NEBL: variants seen among roughly 807,000 people sequenced by gnomAD.
The protein encoded by NEBL is LIM and SH3 protein 2.
A neutral mutation model predicts 140.2 loss-of-function variants in NEBL; 122 were observed. The ratio of observed to expected loss-of-function variants is 0.87; its 90% CI spans 0.75 to 1.01. The LOEUF (loss-of-function observed/expected upper bound fraction) is 1.01. Ranked by LOEUF, NEBL falls within the 50% of genes least tolerant of loss-of-function variation. The pLI is 0.00. For missense variants in NEBL, 1,365 were observed against 1,231.3 expected, an observed-to-expected ratio of 1.11 and a Z score of -1.62; for synonymous variants, 436 against 398.9, an observed-to-expected ratio of 1.09 and a Z score of -1.11.
chr10:20,987,471 C>G (rs913036380), intron 3 of NEBL, among the ~76,000 whole-genome samples: 7 of 152,128 alleles, frequency 4.6e-5, no homozygotes, highest in Admixed American at 4.6e-4. Context: ...TCAGTGACCT[C>G]AATGTCACTT....
At position 21,129,820 on chromosome 10, in the gene NEBL, A is replaced by G. The variant is rs1839016724; in HGVS notation, c.164+42563T>C. 2.0e-5 allele frequency among the ~76,000 whole-genome samples: 3 copies of G among 152,146 alleles called. No homozygotes were observed. The South Asian group carries it at 6.2e-4, about 31-fold the overall frequency. On this transcript the variant is annotated intron_variant, in intron 2 of 6. Transcript: ENST00000417816. ...TAAAACCGTAAAAATTAGAAAGAGT[A>G]TAAGACAGAGAAACGAAAGAACAAG...
intron 19 of NEBL, among the ~76,000 whole-genome samples, chr10:20,821,905 T>G (rs1003299309): frequency 9.9e-5 from 15 of 152,202 alleles, no homozygotes; most frequent in Non-Finnish European, 2.1e-4. Flanking sequence ...TGGTTTGCTC[T>G]GCCAGGAATG....
chr10:20,850,268 A>G (rs992989640), intron 11 of NEBL, 127 bp downstream of exon 11: 6 of 762,924 alleles, frequency 7.9e-6, no homozygotes, highest in African/African-American at 6.8e-5. Context: ...CTGGGTCTAG[A>G]AAGCAGGTCC....
chr10:21,044,980 A>T (rs759595559), intron 2 of NEBL, among the ~76,000 whole-genome samples: 14 of 152,236 alleles, frequency 9.2e-5, no homozygotes, highest in Non-Finnish European at 1.6e-4. Flanking sequence ...TAGTGAAAAT[A>T]AAAAAAGTAT....
chr10:20,792,401 A>G (rs1330631014), intron 26 of NEBL, among the ~76,000 whole-genome samples: 1 of 152,206 alleles, frequency 6.6e-6, no homozygotes, highest in Non-Finnish European at 1.5e-5. Context: ...TTTAGGACAA[A>G]GAACCCCTAT....
At position 21,223,801 on chromosome 10, in the gene NEBL, C is replaced by G. The variant is rs529144999; in HGVS notation, n.348+24120G>C. Among the ~76,000 whole-genome samples, 8 of 152,236 alleles carry G rather than the reference C, an allele frequency of 5.3e-5. 1 individual carries two copies. In the South Asian group the frequency reaches 1.0e-3, roughly 20 times the overall value. ...TCTGATGATCAATGATGTTGAGCAC[C>G]TTTTCATTTATCTGTTTGCTCTTTG... On this transcript the variant is annotated intron_variant and non_coding_transcript_variant, in intron 3 of 8. Coordinates refer to the NEBL transcript ENST00000675702.
At chr10:21,077,731 C>T (rs945637383) in intron 2 of NEBL, among the ~76,000 whole-genome samples, 3 of 152,030 alleles carry the variant, frequency 2.0e-5, no homozygotes, top group Admixed American at 1.3e-4. Flanking sequence ...TCTTCATTTT[C>T]TGTCCTCCCT....
intron 24 of NEBL, among the ~76,000 whole-genome samples, chr10:20,812,111 C>T (rs145044486): frequency 9.2e-5 from 14 of 152,274 alleles, no homozygotes; most frequent in Middle Eastern, 3.4e-3. Flanking sequence ...ACCATCAGAA[C>T]GCCCATGGCG....
intron 3 of NEBL, among the ~76,000 whole-genome samples, chr10:20,972,704 G>A (rs188394028): frequency 0.018 from 2,669 of 151,902 alleles, 28 homozygotes; most frequent in Middle Eastern, 0.054. Context: ...CCAAGATCAC[G>A]CCACTGCACT....
intron 1 of NEBL, among the ~76,000 whole-genome samples, chr10:21,288,763 A>AG (rs796818884): frequency 7.5e-6 from 1 of 133,968 alleles, no homozygotes; most frequent in Non-Finnish European, 1.6e-5. Flanking sequence ...CCATCGCCAA[A>AG]AAAAAAAAAA....
intron 2 of NEBL, among the ~76,000 whole-genome samples, chr10:21,103,963 A>G (rs1278746044): frequency 1.3e-5 from 2 of 152,132 alleles, no homozygotes; most frequent in African/African-American, 2.4e-5. Context: ...TAATTCTTCC[A>G]TGAGCTGTGA....
At chr10:20,798,800 C>T (rs142513078) in intron 26 of NEBL, among the ~76,000 whole-genome samples, 7 of 152,276 alleles carry the variant, frequency 4.6e-5, no homozygotes, top group Middle Eastern at 3.4e-3. Context: ...CACACACATA[C>T]GGAACCCTTT....
chr10:21,047,152 G>T (rs1261950788), intron 2 of NEBL, among the ~76,000 whole-genome samples: 1 of 152,116 alleles, frequency 6.6e-6, no homozygotes, highest in African/African-American at 2.4e-5. Flanking sequence ...TTTAAACTAT[G>T]GGAGAAAAGC....
In NEBL at chr10:21,134,477, T is replaced by C. The variant is rs540314287; in HGVS notation, c.164+37906A>G. Among the ~76,000 whole-genome samples, 3 of 152,224 alleles carry C rather than the reference T, an allele frequency of 2.0e-5. No homozygotes were observed. In the South Asian group the frequency reaches 6.2e-4, roughly 32 times the overall value. ...ATTTGTTTCCAGAATTTTCTGCATA[T>C]GTTTCCTAAATTTTAGAAGACACTA... is the stretch of plus-strand genomic sequence containing the variant. On this transcript the variant is annotated intron_variant, in intron 2 of 6. Transcript: ENST00000417816.
chr10:20,972,588 C>CA (rs1020736760), intron 3 of NEBL, among the ~76,000 whole-genome samples: 8 of 150,534 alleles, frequency 5.3e-5, no homozygotes, highest in South Asian at 2.1e-4. Context: ...ACTAAAAATA[C>CA]AAAAAAAAAT....
At chr10:21,151,631 T>A (rs1050474652) in intron 2 of NEBL, among the ~76,000 whole-genome samples, 1 of 152,180 alleles carries the variant, frequency 6.6e-6, no homozygotes, top group African/African-American at 2.4e-5. Context: ...TTACAGGCCT[T>A]GTAGGGTCCC....
At chr10:21,093,084 C>T (rs375332720) in intron 2 of NEBL, among the ~76,000 whole-genome samples, 22 of 147,314 alleles carry the variant, frequency 1.5e-4, no homozygotes, top group African/African-American at 3.5e-4. Context: ...TGGCTTCTTG[C>T]GTATCTACCA....
At chr10:21,115,375 A>G (rs541354439) in intron 2 of NEBL, among the ~76,000 whole-genome samples, 36 of 151,950 alleles carry the variant, frequency 2.4e-4, no homozygotes, top group Non-Finnish European at 4.3e-4. Flanking sequence ...TTCAGTTTCC[A>G]TCTGGTATCA....
chr10:21,204,197 C>A (rs188013425), intron 3 of NEBL, among the ~76,000 whole-genome samples: 1 of 152,154 alleles, frequency 6.6e-6, no homozygotes. Flanking sequence ...TTAGAACAAG[C>A]CTCAGAATTA....
Sources: gnomAD v4.1 joint callset for allele counts (sites outside exome capture counted in the v4.1 genomes callset) on GRCh38, gnomAD v4.1.1 for gene constraint, MANE v1.5 for transcripts, NCBI Gene and HGNC (gene_info 2026-07-23, HGNC 2026-07-21) for gene names.